The following ARK2C variants were observed in gnomAD, a reference collection of about 807,000 sequenced individuals.
ARK2C encodes the protein arkadia (RNF111) C-terminal like ring finger ubiquitin ligase 2C.
chr18:46,388,056 A>G, the ARK2C span, among the ~76,000 whole-genome samples: 8 of 152,208 alleles, frequency 5.3e-5, no homozygotes, highest in Non-Finnish European at 1.2e-4. Context: ...ATCTAGATGA[A>G]CACCCTTATT....
the ARK2C span, among the ~76,000 whole-genome samples, chr18:46,368,076 G>A: frequency 6.6e-6 from 1 of 152,190 alleles, no homozygotes; most frequent in Non-Finnish European, 1.5e-5. Flanking sequence ...TTGGGCTTGA[G>A]ACTCCACGTG....
the ARK2C span, chr18:46,336,051 G>A: frequency 4.1e-6 from 4 of 985,426 alleles, no homozygotes; most frequent in East Asian, 2.3e-4. Context: ...CCATGGGGGT[G>A]AGGGGGAGTG....
At chr18:46,396,017 T>C in the ARK2C span, among the ~76,000 whole-genome samples, 2 of 152,204 alleles carry the variant, frequency 1.3e-5, no homozygotes, top group African/African-American at 4.8e-5. Flanking sequence ...TTGGCGTTGT[T>C]CTGTGTGGTC....
the ARK2C span, among the ~76,000 whole-genome samples, chr18:46,431,435 G>A: frequency 1.3e-5 from 2 of 152,114 alleles, no homozygotes; most frequent in Non-Finnish European, 1.5e-5. Flanking sequence ...TTTATCAGGG[G>A]TGCTCTCAAC....
the ARK2C span, among the ~76,000 whole-genome samples, chr18:46,340,205 G>A: frequency 2.2e-4 from 34 of 152,348 alleles, no homozygotes; most frequent in African/African-American, 7.5e-4. Flanking sequence ...TTCTGGTATG[G>A]TTTAGCTACA....
At chr18:46,427,969 A>C in the ARK2C span, among the ~76,000 whole-genome samples, 2 of 152,184 alleles carry the variant, frequency 1.3e-5, no homozygotes, top group Non-Finnish European at 2.9e-5. Flanking sequence ...AGATGGGAGC[A>C]CAAACTCTCC....
the ARK2C span, among the ~76,000 whole-genome samples, chr18:46,361,169 A>G: frequency 6.6e-6 from 1 of 152,110 alleles, no homozygotes; most frequent in African/African-American, 2.4e-5. Flanking sequence ...CTTTTCTAGT[A>G]ATACCTTTTG....
chr18:46,365,470 G>C, the ARK2C span, among the ~76,000 whole-genome samples: 3 of 152,166 alleles, frequency 2.0e-5, no homozygotes. Context: ...AGGTCTGGCT[G>C]GATGACTTTC....
the ARK2C span, chr18:46,386,950 G>A: frequency 6.6e-6 from 1 of 152,316 alleles, no homozygotes; most frequent in Non-Finnish European, 1.5e-5. Flanking sequence ...TTTGGCGGGG[G>A]ACACTGACAT....
At chr18:46,458,458 CTCGTA>C in the ARK2C span, 63 of 152,654 alleles carry the variant, frequency 4.1e-4, no homozygotes, top group Non-Finnish European at 7.8e-4. Context: ...TCTCAATGCC[CTCGTA>C]TCAATAAGAC....
At chr18:46,449,121 CAA>C in the ARK2C span, among the ~76,000 whole-genome samples, 1 of 152,102 alleles carries the variant, frequency 6.6e-6, no homozygotes, top group African/African-American at 2.4e-5. Flanking sequence ...AAAACTCCCA[CAA>C]AAGAGTATTA....
chr18:46,371,150 T>C, the ARK2C span, among the ~76,000 whole-genome samples: 1 of 152,244 alleles, frequency 6.6e-6, no homozygotes, highest in East Asian at 1.9e-4. Flanking sequence ...ATGAGTCTTA[T>C]TCACCATCAT....
At chr18:46,452,539 A>G in the ARK2C span, among the ~76,000 whole-genome samples, 1 of 152,102 alleles carries the variant, frequency 6.6e-6, no homozygotes, top group African/African-American at 2.4e-5. Context: ...CTTGGCCTCC[A>G]AAATTGTTGA....
the ARK2C span, among the ~76,000 whole-genome samples, chr18:46,451,043 G>T: frequency 1.9e-4 from 29 of 152,340 alleles, no homozygotes; most frequent in African/African-American, 7.0e-4. Flanking sequence ...ATCCGTGTGT[G>T]CATGTGGACT....
the ARK2C span, among the ~76,000 whole-genome samples, chr18:46,410,294 G>C: frequency 7.2e-5 from 11 of 152,212 alleles, no homozygotes; most frequent in African/African-American, 1.9e-4. Flanking sequence ...ATAAGAGAGA[G>C]AGAAAGCTAG....
At chr18:46,425,610 C>A in the ARK2C span, among the ~76,000 whole-genome samples, 5 of 152,164 alleles carry the variant, frequency 3.3e-5, no homozygotes, top group African/African-American at 9.7e-5. Context: ...CCTGAAGAAG[C>A]CTTGCTGCCT....
the ARK2C span, among the ~76,000 whole-genome samples, chr18:46,355,205 G>A: frequency 1.1e-4 from 16 of 152,016 alleles, no homozygotes; most frequent in East Asian, 1.9e-4. Flanking sequence ...CACCCACTTC[G>A]GCATCCCAAA....
the ARK2C span, among the ~76,000 whole-genome samples, chr18:46,377,194 T>G: frequency 6.6e-6 from 1 of 152,224 alleles, no homozygotes; most frequent in Non-Finnish European, 1.5e-5. Context: ...AGGTATATAA[T>G]GTACCCCTTT....
the ARK2C span, among the ~76,000 whole-genome samples, chr18:46,440,421 G>A: frequency 6.6e-6 from 1 of 152,202 alleles, no homozygotes; most frequent in East Asian, 1.9e-4. Flanking sequence ...TGAATATACA[G>A]TATAGGAAGA....
Sources: allele counts gnomAD v4.1 joint callset (sites outside exome capture counted in the v4.1 genomes callset), GRCh38; gene constraint gnomAD v4.1.1; transcripts MANE v1.5; gene names NCBI Gene and HGNC (gene_info 2026-07-23, HGNC 2026-07-21).